Variants in ADAP2 observed in about 807,000 individuals in gnomAD.
ADAP2 encodes arf-GAP with dual PH domain-containing protein 2.
A neutral mutation model predicts 54.9 loss-of-function variants in ADAP2; 42 were observed. The observed-to-expected ratio is 0.77, with a 90% CI of 0.60 to 0.99. The LOEUF (loss-of-function observed/expected upper bound fraction) is 0.99. Ranked by LOEUF, ADAP2 falls within the 50% of genes least tolerant of loss-of-function variation. The pLI is 0.00. For missense variants in ADAP2, 429 were observed against 480.4 expected, an observed-to-expected ratio of 0.89 and a Z score of 1.00; for synonymous variants, 177 against 180.1, an observed-to-expected ratio of 0.98 and a Z score of 0.14.
intron 2 of ADAP2, 120 bp downstream of exon 2, chr17:30,923,190 G>A: frequency 8.6e-7 from 1 of 1,160,786 alleles, no homozygotes; most frequent in South Asian, 1.3e-5. Flanking sequence ...AGTCTAGCTA[G>A]AGGAAACACA....
intron 1 of ADAP2, among the ~76,000 whole-genome samples, chr17:30,922,379 A>T (rs1555564762): frequency 6.6e-6 from 1 of 152,050 alleles, no homozygotes; most frequent in Non-Finnish European, 1.5e-5. Context: ...GGACCCGGAC[A>T]CGAGAGCCGG....
chr17:30,923,264 CTTTT>C (rs375853030), intron 2 of ADAP2, among the ~76,000 whole-genome samples, 194 bp downstream of exon 2: 4 of 135,086 alleles, frequency 3.0e-5, no homozygotes, highest in Non-Finnish European at 1.6e-5. Flanking sequence ...CATTTGCTTA[CTTTT>C]TTTTTTTTTT....
intron 1 of ADAP2, among the ~76,000 whole-genome samples, chr17:30,922,536 G>A (rs931605929): frequency 6.6e-6 from 1 of 152,244 alleles, no homozygotes; most frequent in Admixed American, 6.5e-5. Flanking sequence ...GGCCCAGGCC[G>A]CCGACAGTCC....
chr17:30,955,163 G>T (rs1449723657), intron 9 of ADAP2, among the ~76,000 whole-genome samples: 2 of 151,292 alleles, frequency 1.3e-5, no homozygotes, highest in Non-Finnish European at 2.9e-5. Context: ...AGGCTGGAAT[G>T]CAGTGGCACA....
chr17:30,954,550 C>T lies in ADAP2; in HGVS notation c.877C>T (p.Pro293Ser). 1 of 1,613,938 alleles carries T rather than the reference C, an allele frequency of 6.2e-7. No individual in the cohort carries two copies. ...GCGGAGGCTGCTCTATTACAAGAAC[C>T]CACTGGTAAGAGCCACTCCTGCTCC... is the stretch of plus-strand genomic sequence containing the variant. ...HERRLLYYKN[P>S]LDAFEQGQVF... Residue 293 changes from proline (P) to serine (S), a missense_variant, in exon 9 of 11, where the codon CCA becomes TCA. Physicochemically the swap from Pro to Ser is moderately conservative, Grantham distance 74. Transcript: ENST00000330889.
chr17:30,953,999 T>A (rs1304043055), intron 8 of ADAP2, among the ~76,000 whole-genome samples: 1 of 152,064 alleles, frequency 6.6e-6, no homozygotes, highest in Non-Finnish European at 1.5e-5. Flanking sequence ...TGTTAGGCAA[T>A]CATGAAAGCA....
At chr17:30,928,091 G>A (rs899311481) in intron 3 of ADAP2, among the ~76,000 whole-genome samples, 1 of 150,946 alleles carries the variant, frequency 6.6e-6, no homozygotes, top group Admixed American at 6.6e-5. Flanking sequence ...CTACTCAGGA[G>A]GCTAAGGCAT....
intron 5 of ADAP2, among the ~76,000 whole-genome samples, chr17:30,935,157 G>A (rs574554952): frequency 1.8e-4 from 27 of 152,070 alleles, no homozygotes; most frequent in African/African-American, 6.3e-4. Context: ...ACTTGAGGTC[G>A]GGAGTTTGAG....
At chr17:30,930,534 C>T (rs905374908) in intron 3 of ADAP2, among the ~76,000 whole-genome samples, 1 of 152,192 alleles carries the variant, frequency 6.6e-6, no homozygotes, top group Non-Finnish European at 1.5e-5. Flanking sequence ...TCCTCTTTCT[C>T]TCAGACAGGC....
Position 30,925,178 on chromosome 17 carries a change from C to T in ADAP2, c.226-1649C>T, listed in dbSNP as rs545224152. Among the ~76,000 whole-genome samples, 4 of 143,990 alleles carry T rather than the reference C, an allele frequency of 2.8e-5. No individual in the cohort carries two copies. The East Asian group carries it at 7.9e-4, about 28-fold the overall frequency. The allele number at this position is 143,990 out of a possible 152,430, so 94.5% of individuals were successfully genotyped here. ...GGATTACAGGCGTGAGCCACCGTGC[C>T]CAGCATTTTTTTTTTTTTTTTTTTT... On this transcript the variant is annotated intron_variant, in intron 2 of 10. Transcript: ENST00000330889.
intron 5 of ADAP2, among the ~76,000 whole-genome samples, chr17:30,939,392 G>A (rs1340950059): frequency 1.4e-5 from 2 of 145,138 alleles, no homozygotes; most frequent in Admixed American, 6.9e-5. Context: ...AAACTTTTGG[G>A]TAATACAAAA....
intron 5 of ADAP2, among the ~76,000 whole-genome samples, chr17:30,941,066 G>T (rs141193002): frequency 6.6e-6 from 1 of 152,180 alleles, no homozygotes; most frequent in Admixed American, 6.5e-5. Flanking sequence ...ACTGCCTCAG[G>T]ATCTTGATCT....
At chr17:30,941,648 T>C (rs1207520200) in intron 5 of ADAP2, among the ~76,000 whole-genome samples, 1 of 152,210 alleles carries the variant, frequency 6.6e-6, no homozygotes, top group Non-Finnish European at 1.5e-5. Context: ...TGCATAGCTT[T>C]TTCATACTAT....
Position 30,957,894 on chromosome 17 carries a change from C to T in ADAP2, c.*25C>T. 1.9e-6 allele frequency: 3 copies of T among 1,610,070 alleles called. No individual in the cohort carries two copies. The highest frequency in any genetic ancestry group is 2.5e-6 in the Non-Finnish European group (3 of 1,177,724). ...ACCCATTAACTGAGGAACTGGCTGC[C>T]ACTGAACACCTGGAACTCCTTGTGG... On this transcript the variant is annotated 3_prime_UTR_variant, in exon 11 of 11. Coordinates refer to ENST00000330889, the MANE Select transcript of ADAP2 (RefSeq NM_018404.3).
At chr17:30,927,345 G>A (rs1206121673) in intron 3 of ADAP2, among the ~76,000 whole-genome samples, 1 of 152,136 alleles carries the variant, frequency 6.6e-6, no homozygotes, top group Non-Finnish European at 1.5e-5. Flanking sequence ...CAGGCACGGT[G>A]GCTCAGGCCT....
rs779341989 is a variant in ADAP2, at chr17:30,922,010, C to T, written c.-5C>T. 7.9e-7 allele frequency: 1 copy of T among 1,269,734 alleles called. No individual in the cohort carries two copies. The highest frequency in any genetic ancestry group is 9.9e-7 in the Non-Finnish European group (1 of 1,011,480). The allele number at this position is 1,269,734 out of a possible 1,614,324, so 78.7% of individuals were successfully genotyped here. On this transcript the variant is annotated 5_prime_UTR_variant, in exon 1 of 11. Coordinates refer to ENST00000330889, the MANE Select transcript of ADAP2 (RefSeq NM_018404.3). The stretch of plus-strand genomic sequence containing the variant: ...CTGAGCCCCGCTGAGCCCGCCGGGC[C>T]GGCCATGGGCGATCGCGAGCGCAAC...
intron 3 of ADAP2, among the ~76,000 whole-genome samples, chr17:30,930,045 CTTATTTATTTATTTATTTAT>C (rs35101958): frequency 7.1e-6 from 1 of 140,330 alleles, no homozygotes; most frequent in South Asian, 2.3e-4. Flanking sequence ...CGACAGAAAC[CTTATTTATTTATTTATTTAT>C]TTATTTATTT....
intron 4 of ADAP2, among the ~76,000 whole-genome samples, chr17:30,933,979 G>T (rs1911685568): frequency 6.6e-6 from 1 of 152,180 alleles, no homozygotes; most frequent in Admixed American, 6.5e-5. Flanking sequence ...TTAGGCAGTG[G>T]GAAGTGCCCC....
At chr17:30,937,724 G>A (rs1911990850) in intron 5 of ADAP2, among the ~76,000 whole-genome samples, 1 of 152,212 alleles carries the variant, frequency 6.6e-6, no homozygotes, top group Admixed American at 6.5e-5. Flanking sequence ...TTTATTGAAG[G>A]ATTGGATGTG....
Sources: gnomAD v4.1 joint callset for allele counts (sites outside exome capture counted in the v4.1 genomes callset) on GRCh38, gnomAD v4.1.1 for gene constraint, MANE v1.5 for transcripts, NCBI Gene and HGNC (gene_info 2026-07-23, HGNC 2026-07-21) for gene names.